IL1RAPL1: variants seen among roughly 807,000 people sequenced by gnomAD.
The protein encoded by IL1RAPL1 is interleukin-1 receptor accessory protein-like 1.
Under a neutral mutation model 48.4 loss-of-function variants are expected in IL1RAPL1, and 3 were observed. That is an observed-to-expected ratio of 0.06 (90% CI 0.03 to 0.16). IL1RAPL1 has a LOEUF of 0.16. IL1RAPL1 is among the 10% of genes least tolerant of loss of function. The pLI is 1.00. For synonymous variants in IL1RAPL1, 185 were observed against 187.7 expected, an observed-to-expected ratio of 0.99 and a Z score of 0.12; for missense variants, 349 against 530.6, an observed-to-expected ratio of 0.66 and a Z score of 3.36.
intron 1 of IL1RAPL1, among the ~76,000 whole-genome samples, chrX:28,618,382 G>C (rs2146887110): frequency 8.9e-6 from 1 of 112,217 alleles, no homozygotes; most frequent in African/African-American, 3.2e-5. Context: ...GAATATTTGG[G>C]TTAAGTTAAT....
At position 28,874,582 on chromosome X, in the gene IL1RAPL1, A is replaced by G. The variant is rs562613439; in HGVS notation, c.82+85157A>G. 8.9e-5 allele frequency among the ~76,000 whole-genome samples: 10 copies of G among 112,341 alleles called. 1 individual carries two copies. The highest frequency in any genetic ancestry group is 7.5e-4 in the Admixed American group (8 of 10,636). On this transcript the variant is annotated intron_variant, in intron 2 of 10. Transcript: ENST00000378993. ...AAACTTAAGTGACTATGTGAGAACC[A>G]TATGTTTGGTGTGTAATTCACACTT...
At chrX:29,850,619 G>T (rs1302824329) in intron 6 of IL1RAPL1, among the ~76,000 whole-genome samples, 1 of 112,494 alleles carries the variant, frequency 8.9e-6, no homozygotes, top group East Asian at 2.8e-4. Context: ...ACTGTGGAAA[G>T]CAGGGCAGGA....
At chrX:29,864,149 G>A (rs1315755627) in intron 6 of IL1RAPL1, among the ~76,000 whole-genome samples, 1 of 112,591 alleles carries the variant, frequency 8.9e-6, no homozygotes, top group East Asian at 2.8e-4. Context: ...CAAGTTTCCA[G>A]ATGATCTTGG....
At position 28,587,465 on chromosome X, in the gene IL1RAPL1, G is replaced by A. The variant is rs1016513390; in HGVS notation, c.-607G>A. The A allele has an allele frequency of 9.2e-6, 1 of 108,507 alleles. No individual in the cohort carries two copies. The highest frequency in any genetic ancestry group is 1.9e-5 in the Non-Finnish European group (1 of 52,492). 8.9% of individuals were successfully genotyped at this position (108,507 alleles called of 1,213,427 possible). On this transcript the variant is annotated 5_prime_UTR_variant, in exon 1 of 11. Transcript: ENST00000378993. ...AGCAGTACTGTACAAGGAAAACCCC[G>A]TCGGATCTGTTATTGCGGGATACTT... is the stretch of plus-strand genomic sequence containing the variant.
At chrX:29,079,059 C>T (rs1384317100) in intron 2 of IL1RAPL1, among the ~76,000 whole-genome samples, 3 of 111,881 alleles carry the variant, frequency 2.7e-5, no homozygotes, top group African/African-American at 9.7e-5. Context: ...TCATTATTAC[C>T]CAAGTTCAGG....
At chrX:29,069,194 T>G (rs1927511272) in intron 2 of IL1RAPL1, among the ~76,000 whole-genome samples, 2 of 112,038 alleles carry the variant, frequency 1.8e-5, no homozygotes, top group South Asian at 7.3e-4. Context: ...TCTTTGAAAT[T>G]ATCCTTTTTA....
chrX:29,455,934 C>A (rs1329173991), intron 5 of IL1RAPL1, among the ~76,000 whole-genome samples: 6 of 111,482 alleles, frequency 5.4e-5, no homozygotes, highest in Non-Finnish European at 1.1e-4. Context: ...TGATGAAGGT[C>A]TGTCTAGAAC....
At chrX:29,741,942 A>G (rs750661400) in intron 6 of IL1RAPL1, among the ~76,000 whole-genome samples, 24 of 106,001 alleles carry the variant, frequency 2.3e-4, no homozygotes, top group Admixed American at 7.0e-4. Flanking sequence ...AAAGAAAAAA[A>G]AAAAAAAAAA....
intron 2 of IL1RAPL1, among the ~76,000 whole-genome samples, chrX:28,846,000 G>A (rs1921498716): frequency 9.0e-6 from 1 of 111,668 alleles, no homozygotes; most frequent in Non-Finnish European, 1.9e-5. Flanking sequence ...TACATTCTAT[G>A]CTTTGGGACA....
chrX:29,365,481 A>G (rs975471297), intron 3 of IL1RAPL1, among the ~76,000 whole-genome samples: 6 of 111,945 alleles, frequency 5.4e-5, no homozygotes, highest in African/African-American at 1.9e-4. Context: ...GGATCACTTG[A>G]GGCCAGGAGT....
chrX:29,625,943 G>A (rs765153344), intron 5 of IL1RAPL1, among the ~76,000 whole-genome samples: 3 of 111,370 alleles, frequency 2.7e-5, no homozygotes, highest in African/African-American at 6.5e-5. Context: ...AAAAAGATTC[G>A]TTAGTATTAT....
At chrX:29,490,865 T>TATATACGTATATATATATATATACGTATA (rs778859346) in intron 5 of IL1RAPL1, among the ~76,000 whole-genome samples, 1 of 107,587 alleles carries the variant, frequency 9.3e-6, no homozygotes, top group African/African-American at 3.6e-5. Context: ...TATATATATA[T>TATATACGTATATATATATATATACGTATA]TCTGAGTGTG....
At chrX:29,116,224 A>AG (rs1472595581) in intron 2 of IL1RAPL1, among the ~76,000 whole-genome samples, 1 of 111,008 alleles carries the variant, frequency 9.0e-6, no homozygotes, top group Admixed American at 9.7e-5. Flanking sequence ...TCCAATAGCA[A>AG]GGGGGGGATT....
chrX:29,457,009 C>T (rs1358903784), intron 5 of IL1RAPL1, among the ~76,000 whole-genome samples: 1 of 108,712 alleles, frequency 9.2e-6, no homozygotes, highest in Non-Finnish European at 1.9e-5. Context: ...TGGCATGCGC[C>T]TGTGGTCCCA....
chrX:29,413,768 G>A (rs748245718), intron 5 of IL1RAPL1, among the ~76,000 whole-genome samples: 3 of 110,768 alleles, frequency 2.7e-5, no homozygotes, highest in Admixed American at 9.7e-5. Flanking sequence ...TGGTTTATAT[G>A]TGTGGAGAAA....
intron 1 of IL1RAPL1, among the ~76,000 whole-genome samples, chrX:28,762,786 G>GCACACACACACACACA (rs759005946): frequency 7.9e-5 from 5 of 62,997 alleles, no homozygotes; most frequent in African/African-American, 3.2e-4. Flanking sequence ...GCACGCGCGC[G>GCACACACACACACACA]CACACACACA....
rs183204862 is a variant in IL1RAPL1 at position 28,826,108 on chromosome X, T to C, written c.82+36683T>C. Among the ~76,000 whole-genome samples, 75 of 111,960 alleles carry C rather than the reference T, an allele frequency of 6.7e-4. No homozygotes were observed. The Middle Eastern group carries it at 0.014, about 21-fold the overall frequency. ...CAAAGTTCTGTAATAGGCTTAAAAA[T>C]GTGCAGTGTTCAGAAAGTAAATTCT... On this transcript the variant is annotated intron_variant, in intron 2 of 10. Coordinates refer to ENST00000378993, the MANE Select transcript of IL1RAPL1 (RefSeq NM_014271.4).
chrX:28,762,438 G>A (rs1252617255), intron 1 of IL1RAPL1, among the ~76,000 whole-genome samples: 1 of 111,258 alleles, frequency 9.0e-6, no homozygotes, highest in South Asian at 3.7e-4. Context: ...GCTGCATGGC[G>A]TTCAGAAAAG....
chrX:29,816,384 A>T (rs1208321513), intron 6 of IL1RAPL1, among the ~76,000 whole-genome samples: 1 of 111,243 alleles, frequency 9.0e-6, no homozygotes, highest in African/African-American at 3.3e-5. Context: ...AAGAAATGAA[A>T]ACCCTAAACA....
Sources: allele counts gnomAD v4.1 joint callset (sites outside exome capture counted in the v4.1 genomes callset), GRCh38; gene constraint gnomAD v4.1.1; transcripts MANE v1.5; gene names NCBI Gene and HGNC (gene_info 2026-07-23, HGNC 2026-07-21).